The following CPZ variants were observed in gnomAD, a reference collection of about 807,000 sequenced individuals.
CPZ encodes the protein carboxypeptidase Z, also known as VEZT/CPZ fusion.
A neutral mutation model predicts 61.8 loss-of-function variants in CPZ; 103 were observed. The ratio of observed to expected loss-of-function variants is 1.67; its 90% CI spans 1.42 to 1.96. The LOEUF is 1.96. Among genes scored for constraint, CPZ ranks in the 30% most tolerant of loss-of-function variants. The probability of loss-of-function intolerance (pLI) is 0.00; values close to 1 mark genes in which losing one functional copy is unlikely to be tolerated. For synonymous variants in CPZ, 551 were observed against 373.7 expected (o/e 1.47, Z -5.47); for missense variants, 1,461 against 914.9 (o/e 1.60, Z -7.70).
chr4:8,618,868 A>G (rs1026924892), intron 10 of CPZ, among the ~76,000 whole-genome samples: 13 of 152,160 alleles, frequency 8.5e-5, no homozygotes, highest in Non-Finnish European at 1.6e-4. Flanking sequence ...TACCCTGTTG[A>G]TAGCTGGGGT....
chr4:8,618,260 G>T (rs1434751725), intron 9 of CPZ, 169 bp from the exon 10 acceptor site: 4 of 621,740 alleles, frequency 6.4e-6, no homozygotes, highest in Non-Finnish European at 1.1e-5. Flanking sequence ...AGAGAGGGGA[G>T]TGACTGACTC....
In CPZ at chr4:8,606,099, C is replaced by G. The variant is rs753279964; in HGVS notation, c.820C>G (p.Pro274Ala). 3 of 1,614,194 alleles carry G rather than the reference C, an allele frequency of 1.9e-6. No homozygotes were observed. The Admixed American group carries it at 5.0e-5, about 27-fold the overall frequency. Residue 274 changes from proline to alanine, a missense_variant, in exon 5 of 11, where the codon CCC becomes GCC. By Grantham distance (27) the Pro-to-Ala change is conservative. Coordinates refer to ENST00000360986, the MANE Select transcript of CPZ (RefSeq NM_001014447.3). The part of the protein sequence containing the change: ...YLCSEYLLGN[P>A]RIQRLLNTTR... Reference sequence around the variant, plus strand: ...GTGCTCTGAGTACCTGCTTGGTAACCCCCGCATCCAGCGCCTGCTCAACAC... The same window carrying G: ...GTGCTCTGAGTACCTGCTTGGTAACGCCCGCATCCAGCGCCTGCTCAACAC...
In CPZ at chr4:8,601,299, C is replaced by T. The variant is rs770217714; in HGVS notation, c.298C>T (p.Leu100=). 2.5e-6 allele frequency: 4 copies of T among 1,612,746 alleles called. No homozygotes were observed. The East Asian group carries it at 6.7e-5, about 27-fold the overall frequency. Residue 100 remains leucine (L), a synonymous_variant, in exon 3 of 11, where the codon CTG becomes TTG. Transcript: ENST00000360986. ...CCAGTGCAACCCGGACCTGCGGCTG[C>T]TGGGCTGTGCTGTGCTGGCCCCCCG... ...EGQCNPDLRL[L]GCAVLAPRCE...
chr4:8,609,023 ACTCCTTCACTCACCCATTCACTCC>A (rs1489071082), intron 7 of CPZ, among the ~76,000 whole-genome samples: 2 of 150,418 alleles, frequency 1.3e-5, no homozygotes, highest in Non-Finnish European at 3.0e-5. Context: ...TCATTAACTC[ACTCCTTCACTCACCCATTCACTCC>A]CTCCCTCCCT....
At chr4:8,611,411 T>G (rs1275592599) in intron 7 of CPZ, 3 of 415,136 alleles carry the variant, frequency 7.2e-6, no homozygotes, top group South Asian at 5.0e-5. Flanking sequence ...CAGCCACACA[T>G]CCAAACATGT....
At position 8,606,140 on chromosome 4, in the gene CPZ, G is replaced by T; in HGVS notation, c.861G>T (p.Leu287=). The change falls in exon 5 of 11, where the codon CTG becomes CTT. Residue 287 remains leucine, a synonymous_variant. Coordinates refer to ENST00000360986, the MANE Select transcript of CPZ (RefSeq NM_001014447.3). ...TGCTCAACACCACCCGCATCCACCT[G>T]CTGCCCTCCATGAACCCTGACGGCT... ...QRLLNTTRIH[L]LPSMNPDGYE... 6.2e-7 allele frequency: 1 copy of T among 1,614,162 alleles called. No individual in the cohort carries two copies. Among genetic ancestry groups the T allele is most frequent in the South Asian group, 1.1e-5 (1 of 91,084 alleles).
rs75272044 is a variant in CPZ, at chr4:8,606,241, C to G, written c.906+56C>G. On this transcript the variant is annotated intron_variant, in intron 5 of 10. Transcript: ENST00000360986. ...CCACCGCCCGAACCACCCCCTCATT[C>G]ATCCATTTATGAGTAGTTTATCCCA... 8.0e-3 allele frequency: 11,997 copies of G among 1,507,428 alleles called. 346 individuals are homozygous for G. The African/African-American group carries it at 0.084, about 10-fold the overall frequency. 93.4% of individuals were successfully genotyped at this position (1,507,428 alleles called of 1,614,324 possible).
At chr4:8,609,304 T>C (rs1196881249) in intron 7 of CPZ, among the ~76,000 whole-genome samples, 1 of 129,120 alleles carries the variant, frequency 7.7e-6, no homozygotes, top group East Asian at 2.4e-4. Flanking sequence ...CATTCATCCA[T>C]TCACTCATGC....
intron 1 of CPZ, among the ~76,000 whole-genome samples, chr4:8,599,013 G>A (rs574528313): frequency 8.5e-5 from 13 of 152,308 alleles, no homozygotes; most frequent in Admixed American, 2.6e-4. Flanking sequence ...TGAGGGCTCC[G>A]GGGGCTGACA....
At position 8,618,193 on chromosome 4, in the gene CPZ, G is replaced by T. The variant is rs1365470682; in HGVS notation, c.1504-236G>T. 1.1e-5 allele frequency: 6 copies of T among 545,842 alleles called. 1 individual carries two copies. Among genetic ancestry groups the T allele is most frequent in the South Asian group, 6.1e-5 (3 of 49,222 alleles). The allele number at this position is 545,842 out of a possible 1,614,324, so 33.8% of individuals were successfully genotyped here. A position where few individuals can be genotyped will look rare whatever the true frequency, so the allele number is the denominator to read the frequency against. On this transcript the variant is annotated intron_variant, in intron 9 of 10. Transcript: ENST00000360986. ...AGCCAGGCCTCGGGTGAGATGCAGG[G>T]TCATTCAAAAGCCCAGAACGTGCTC...
intron 4 of CPZ, among the ~76,000 whole-genome samples, chr4:8,604,390 C>A (rs1397089985): frequency 6.6e-6 from 1 of 152,226 alleles, no homozygotes; most frequent in Admixed American, 6.5e-5. Context: ...AGATATCCAT[C>A]TTACTTCAAA....
At position 8,618,470 on chromosome 4, in the gene CPZ, C is replaced by G. The variant is rs779021921; in HGVS notation, c.1545C>G (p.Gly515=). Residue 515 remains glycine, a synonymous_variant, in exon 10 of 11, where the codon GGC becomes GGG. Transcript: ENST00000360986. ...GIKGVVTDKF[G]KPVKNARISV... is the part of the protein sequence containing the mutation. Reference sequence around the variant, plus strand: ...AAGGTGTGGTGACAGATAAATTCGGCAAGCCAGTCAAAAACGCCCGGATCT... The same window carrying G: ...AAGGTGTGGTGACAGATAAATTCGGGAAGCCAGTCAAAAACGCCCGGATCT... 1 of 1,613,702 alleles carries G rather than the reference C, an allele frequency of 6.2e-7. No individual in the cohort carries two copies. Among genetic ancestry groups the G allele is most frequent in the Admixed American group, 1.7e-5 (1 of 60,008 alleles).
intron 4 of CPZ, 70 bp from the exon 5 acceptor site, chr4:8,605,919 G>C (rs551547280): frequency 4.8e-6 from 7 of 1,469,208 alleles, no homozygotes; most frequent in Middle Eastern, 1.8e-4. Context: ...CTTGCTGAGT[G>C]GGGGGGCCTC....
intron 4 of CPZ, among the ~76,000 whole-genome samples, chr4:8,604,775 C>A (rs186825148): frequency 2.0e-5 from 3 of 152,360 alleles, no homozygotes; most frequent in Admixed American, 1.3e-4. Context: ...TTAGAAGCAG[C>A]CTCCATTTGA....
intron 7 of CPZ, chr4:8,611,107 C>G (rs1577123032): frequency 4.3e-5 from 18 of 417,626 alleles, no homozygotes; most frequent in South Asian, 2.3e-4. Flanking sequence ...CACTCACTCA[C>G]TCACTGGGCC....
intron 7 of CPZ, among the ~76,000 whole-genome samples, chr4:8,611,646 C>A (rs1479925202): frequency 6.6e-6 from 1 of 152,202 alleles, no homozygotes; most frequent in Admixed American, 6.5e-5. Flanking sequence ...CCCTTGCCTT[C>A]ACTGCTCCAA....
At chr4:8,613,897 C>G (rs761637484) in intron 8 of CPZ, among the ~76,000 whole-genome samples, 28 of 152,370 alleles carry the variant, frequency 1.8e-4, no homozygotes, top group Admixed American at 4.6e-4. Context: ...CATGGGGTCT[C>G]CAGGCCAGCA....
chr4:8,615,704 G>T (rs184106102), intron 9 of CPZ, among the ~76,000 whole-genome samples: 28 of 152,302 alleles, frequency 1.8e-4, no homozygotes, highest in African/African-American at 6.3e-4. Context: ...GCCAGAGGAG[G>T]AGACAGAGGG....
chr4:8,594,192 C>T (rs118160538), intron 1 of CPZ, among the ~76,000 whole-genome samples: 2,564 of 152,306 alleles, frequency 0.017, 212 homozygotes, highest in Admixed American at 0.15. Flanking sequence ...GGAGAAATCA[C>T]TCATCCCCCA....
Sources: gnomAD v4.1 joint callset for allele counts (sites outside exome capture counted in the v4.1 genomes callset) on GRCh38, gnomAD v4.1.1 for gene constraint, MANE v1.5 for transcripts, NCBI Gene and HGNC (gene_info 2026-07-23, HGNC 2026-07-21) for gene names.